The following PINX1 variants were observed in gnomAD, a reference collection of about 807,000 sequenced individuals.
The protein encoded by PINX1 is PIN2/TERF1-interacting telomerase inhibitor 1.
A neutral mutation model predicts 25.4 loss-of-function variants in PINX1; 34 were observed. That is an observed-to-expected ratio of 1.34 (90% CI 1.02 to 1.78). The LOEUF is 1.78. Ranked by LOEUF, PINX1 falls within the 40% of genes most tolerant of loss-of-function variation. The probability of loss-of-function intolerance (pLI) is 0.00; values close to 1 mark genes in which losing one functional copy is unlikely to be tolerated. For missense variants in PINX1, 592 were observed against 404.9 expected (o/e 1.46, Z -3.97); for synonymous variants, 197 against 147.7 (o/e 1.33, Z -2.42).
chr8:10,772,974 A>G (rs568769057), intron 6 of PINX1, among the ~76,000 whole-genome samples: 1 of 152,258 alleles, frequency 6.6e-6, no homozygotes, highest in South Asian at 2.1e-4. Context: ...GGAAACAAAA[A>G]ACTATTTTAT....
At chr8:10,807,515 C>T (rs1316156528) in intron 6 of PINX1, among the ~76,000 whole-genome samples, 1 of 152,010 alleles carries the variant, frequency 6.6e-6, no homozygotes, top group Non-Finnish European at 1.5e-5. Flanking sequence ...GAAAGTTCTA[C>T]CAAGTGCCTG....
intron 6 of PINX1, among the ~76,000 whole-genome samples, chr8:10,775,781 A>G (rs550600075): frequency 6.6e-6 from 1 of 152,342 alleles, no homozygotes; most frequent in African/African-American, 2.4e-5. Flanking sequence ...CGGCCTTTCC[A>G]GGCCTCAAAT....
chr8:10,793,353 G>A (rs1057091194), intron 6 of PINX1, among the ~76,000 whole-genome samples: 5 of 152,076 alleles, frequency 3.3e-5, no homozygotes, highest in Non-Finnish European at 7.3e-5. Context: ...CTAGACCAGG[G>A]GTGTCCAATC....
rs7828747 is a variant in PINX1, at chr8:10,766,008, T to C, written c.472-92A>G. The C allele has an allele frequency of 7.2e-5, 90 of 1,242,688 alleles. No individual in the cohort carries two copies. In the Middle Eastern group the frequency reaches 1.4e-3, roughly 19 times the overall value. 77.0% of individuals were successfully genotyped at this position (1,242,688 alleles called of 1,614,324 possible). The stretch of plus-strand genomic sequence containing the variant: ...GGCACCCACACCCGGCGCTCACACC[T>C]GGCACCCACACCCGGCGCTCACACC... On this transcript the variant is annotated intron_variant, in intron 6 of 6. Coordinates refer to ENST00000314787, the MANE Select transcript of PINX1 (RefSeq NM_017884.6).
chr8:10,831,778 CTGT>C (rs1271796583), intron 3 of PINX1, 35 bp from the exon 4 acceptor site: 2 of 1,216,994 alleles, frequency 1.6e-6, no homozygotes, highest in Non-Finnish European at 2.4e-6. Context: ...AGAGGTAAGC[CTGT>C]AGTTTACTTA....
chr8:10,805,243 C>G (rs1279682307), intron 6 of PINX1, among the ~76,000 whole-genome samples: 6 of 152,192 alleles, frequency 3.9e-5, no homozygotes, highest in Non-Finnish European at 8.8e-5. Context: ...GCACAGACAG[C>G]CTGCTGGCTA....
At chr8:10,797,645 C>A (rs1444008199) in intron 6 of PINX1, among the ~76,000 whole-genome samples, 1 of 152,220 alleles carries the variant, frequency 6.6e-6, no homozygotes, top group East Asian at 1.9e-4. Flanking sequence ...TTGAGGACCA[C>A]CAGGGGTGCC....
intron 1 of PINX1, 23 bp downstream of exon 1, chr8:10,839,715 G>A (rs751284866): frequency 6.3e-7 from 1 of 1,599,188 alleles, no homozygotes; most frequent in Non-Finnish European, 8.5e-7. Context: ...CGCCTGGGTC[G>A]GGCCTCCGCT....
At chr8:10,831,993 C>A (rs1031640891) in intron 3 of PINX1, among the ~76,000 whole-genome samples, 1 of 152,156 alleles carries the variant, frequency 6.6e-6, no homozygotes, top group South Asian at 2.1e-4. Context: ...AATGACTTAT[C>A]GATCAAGTCA....
At position 10,832,979 on chromosome 8, in the gene PINX1, T is replaced by G. The variant is rs1798270211; in HGVS notation, c.135A>C (p.Leu45Phe). ...EKMGWSKGKG[L>F]GAQEQGATDH... ...CTGTGGCTCCTTGCTCCTGAGCCCC[T>G]AAACCCTGTGGAGATTAAACACAGA... The change falls in exon 3 of 7, where the codon TTA becomes TTC. Residue 45 changes from leucine (L) to phenylalanine (F), a missense_variant. Physicochemically the swap from Leu to Phe is conservative, Grantham distance 22. Coordinates refer to ENST00000314787, the MANE Select transcript of PINX1 (RefSeq NM_017884.6). The G allele has an allele frequency of 6.2e-7, 1 of 1,602,082 alleles. No homozygotes were observed. The highest frequency in any genetic ancestry group is 2.2e-5 in the East Asian group (1 of 44,770).
chr8:10,794,249 C>A (rs1490918744), intron 6 of PINX1, among the ~76,000 whole-genome samples: 1 of 152,102 alleles, frequency 6.6e-6, no homozygotes, highest in Non-Finnish European at 1.5e-5. Flanking sequence ...TTTTAAATTA[C>A]AATTTTTTAA....
chr8:10,802,792 T>C (rs1411808593), intron 6 of PINX1, among the ~76,000 whole-genome samples: 2 of 152,214 alleles, frequency 1.3e-5, no homozygotes, highest in Non-Finnish European at 2.9e-5. Flanking sequence ...TGGGGAATTA[T>C]ATTCCAGTAA....
intron 1 of PINX1, among the ~76,000 whole-genome samples, chr8:10,839,486 G>A (rs1369750337): frequency 6.6e-6 from 1 of 152,178 alleles, no homozygotes; most frequent in Non-Finnish European, 1.5e-5. Flanking sequence ...CTTCGCACGC[G>A]ACCCAGGGTG....
intron 6 of PINX1, among the ~76,000 whole-genome samples, chr8:10,782,827 G>A (rs1209040405): frequency 6.6e-6 from 1 of 152,156 alleles, no homozygotes; most frequent in Admixed American, 6.5e-5. Context: ...GCATTGAAAC[G>A]TCAAACATTT....
chr8:10,839,849 C>T lies in PINX1; in HGVS notation c.-93G>A. On this transcript the variant is annotated 5_prime_UTR_variant, in exon 1 of 7. Transcript: ENST00000314787. ...TCCAGGAGAATCAGGACGTGCGTAACTCCCTCGCCGGCGGACTGCAGCGGA... is the reference window on the plus strand; with the variant it reads ...TCCAGGAGAATCAGGACGTGCGTAATTCCCTCGCCGGCGGACTGCAGCGGA... 3 of 1,268,560 alleles carry T rather than the reference C, an allele frequency of 2.4e-6. No homozygotes were observed. Among genetic ancestry groups the T allele is most frequent in the Non-Finnish European group, 3.3e-6 (3 of 909,060 alleles). The allele number at this position is 1,268,560 out of a possible 1,614,324, so 78.6% of individuals were successfully genotyped here. A position where few individuals can be genotyped will look rare whatever the true frequency, so the allele number is the denominator to read the frequency against.
In PINX1 at chr8:10,823,843, A is replaced by T. The variant is rs28549373; in HGVS notation, c.394+2309T>A. ...ATCCTGTCTCAAAATAAAAATAAAA[A>T]TAATGATACAGCTGATATTTAGGCA... On this transcript the variant is annotated intron_variant, in intron 5 of 6. Coordinates refer to ENST00000314787, the MANE Select transcript of PINX1 (RefSeq NM_017884.6). Among the ~76,000 whole-genome samples the T allele has an allele frequency of 4.5e-3, 690 of 152,276 alleles. 3 individuals are homozygous for T. The highest frequency in any genetic ancestry group is 0.015 in the African/African-American group (637 of 41,540).
intron 5 of PINX1, among the ~76,000 whole-genome samples, chr8:10,825,618 G>C (rs1798013291): frequency 6.6e-6 from 1 of 152,146 alleles, no homozygotes; most frequent in South Asian, 2.1e-4. Flanking sequence ...GGTCTCAAAC[G>C]GCTTTTTACC....
At chr8:10,786,004 G>A (rs979713669) in intron 6 of PINX1, among the ~76,000 whole-genome samples, 5 of 152,328 alleles carry the variant, frequency 3.3e-5, no homozygotes, top group East Asian at 3.9e-4. Flanking sequence ...TGTGGCGAGC[G>A]CAGAGCTAGA....
At chr8:10,836,498 GAC>G (rs1410069982) in intron 1 of PINX1, among the ~76,000 whole-genome samples, 1 of 152,208 alleles carries the variant, frequency 6.6e-6, no homozygotes, top group Non-Finnish European at 1.5e-5. Flanking sequence ...GTACGAAGGA[GAC>G]AGTTTTGAGA....
Sources: allele counts gnomAD v4.1 joint callset (sites outside exome capture counted in the v4.1 genomes callset), GRCh38; gene constraint gnomAD v4.1.1; transcripts MANE v1.5; gene names NCBI Gene and HGNC (gene_info 2026-07-23, HGNC 2026-07-21).